Variants in PAGE2B observed in about 807,000 individuals in gnomAD.
PAGE2B encodes the protein PAGE family member 2B, also known as putative G antigen family E member 3.
PAGE2B carries 5 observed loss-of-function variants against 7.6 expected under a neutral mutation model. That is an observed-to-expected ratio of 0.66 (90% CI 0.34 to 1.38). The LOEUF (loss-of-function observed/expected upper bound fraction) is 1.38, where lower values mean the gene tolerates loss of function less well. PAGE2B is among the 40% of genes most tolerant of loss of function. PAGE2B has a pLI of 0.04. For synonymous variants in PAGE2B, 29 were observed against 26.7 expected (o/e 1.09, Z -0.27); for missense variants, 70 against 78.4 (o/e 0.89, Z 0.41).
intron 2 of PAGE2B, among the ~76,000 whole-genome samples, chrX:55,076,338 A>G (rs189780744): frequency 1.8e-3 from 193 of 104,778 alleles, no homozygotes; most frequent in East Asian, 6.4e-3. Flanking sequence ...ATATATATAT[A>G]TGTGTGTGTG....
At chrX:55,042,378 A>G in the PAGE2B span, among the ~76,000 whole-genome samples, 1 of 111,026 alleles carries the variant, frequency 9.0e-6, no homozygotes, top group Non-Finnish European at 1.9e-5. Flanking sequence ...TACAAGGAAA[A>G]CTATAAAACA....
At chrX:55,052,642 G>C in the PAGE2B span, among the ~76,000 whole-genome samples, 3 of 112,965 alleles carry the variant, frequency 2.7e-5, no homozygotes, top group Admixed American at 9.3e-5. Context: ...TGTGCCATTT[G>C]TTAAGCCCGT....
the PAGE2B span, chrX:55,031,137 C>T: frequency 3.9e-6 from 1 of 256,544 alleles, no homozygotes. Flanking sequence ...TAGTGTACCC[C>T]CTCCCCCAGC....
the PAGE2B span, among the ~76,000 whole-genome samples, chrX:55,042,138 T>A: frequency 9.1e-6 from 1 of 110,385 alleles, no homozygotes; most frequent in Non-Finnish European, 1.9e-5. Flanking sequence ...GATGATATGA[T>A]CCTATACCTA....
the PAGE2B span, among the ~76,000 whole-genome samples, chrX:55,047,197 C>T: frequency 2.1e-4 from 23 of 109,782 alleles, no homozygotes; most frequent in African/African-American, 5.3e-4. Flanking sequence ...TTTGTCCTTG[C>T]GATAGTTTGC....
the PAGE2B span, among the ~76,000 whole-genome samples, chrX:55,065,716 T>C: frequency 3.6e-5 from 4 of 111,722 alleles, no homozygotes; most frequent in African/African-American, 1.3e-4. Context: ...CCATTATATG[T>C]TTTTCAATTT....
At chrX:55,075,524 G>A (rs771074563) in intron 1 of PAGE2B, among the ~76,000 whole-genome samples, 3 of 111,052 alleles carry the variant, frequency 2.7e-5, no homozygotes, top group Non-Finnish European at 5.7e-5. Context: ...CTGTGGCCCC[G>A]AGGTCTGTAG....
the PAGE2B span, among the ~76,000 whole-genome samples, chrX:55,037,435 C>T: frequency 6.3e-5 from 7 of 111,107 alleles, no homozygotes; most frequent in Non-Finnish European, 1.3e-4. Flanking sequence ...GAAATAGGAA[C>T]ACTTTTACAC....
At chrX:55,037,981 A>G in the PAGE2B span, among the ~76,000 whole-genome samples, 1 of 108,825 alleles carries the variant, frequency 9.2e-6, no homozygotes, top group East Asian at 2.9e-4. Context: ...CAGCACACCA[A>G]CATGGCACAT....
upstream of PAGE2B, among the ~76,000 whole-genome samples, chrX:55,070,454 T>C (rs975180093): frequency 8.1e-5 from 9 of 111,740 alleles, no homozygotes; most frequent in South Asian, 2.2e-3. Context: ...TACTTCCAAT[T>C]ATGTGGTCAA....
chrX:55,077,841 A>C (rs1309493497), intron 4 of PAGE2B, among the ~76,000 whole-genome samples: 1 of 111,812 alleles, frequency 8.9e-6, no homozygotes, highest in African/African-American at 3.3e-5. Context: ...ATGCTAAAAC[A>C]GTAGATTTCA....
At chrX:55,070,821 T>C (rs1004323261), upstream of PAGE2B, among the ~76,000 whole-genome samples, 3 of 111,846 alleles carry the variant, frequency 2.7e-5, no homozygotes, top group Non-Finnish European at 3.8e-5. Context: ...CTTTGTTGGT[T>C]TGAAGTCTGT....
chrX:55,069,475 A>C, the PAGE2B span, among the ~76,000 whole-genome samples: 1 of 109,824 alleles, frequency 9.1e-6, no homozygotes, highest in Non-Finnish European at 1.9e-5. Flanking sequence ...ATCAATGTTC[A>C]TCAAGGATAT....
At chrX:55,067,796 T>C in the PAGE2B span, among the ~76,000 whole-genome samples, 1 of 112,628 alleles carries the variant, frequency 8.9e-6, no homozygotes, top group Non-Finnish European at 1.9e-5. Flanking sequence ...GCATTTCTAA[T>C]GACCAGTGAT....
the PAGE2B span, among the ~76,000 whole-genome samples, chrX:55,035,192 C>T: frequency 1.8e-5 from 2 of 111,359 alleles, no homozygotes; most frequent in South Asian, 3.8e-4. Context: ...AGTTGACACT[C>T]GATATTAACC....
intron 3 of PAGE2B, 83 bp from the exon 4 acceptor site, chrX:55,077,316 A>G (rs2146468221): frequency 8.5e-7 from 1 of 1,175,885 alleles, no homozygotes; most frequent in Admixed American, 2.5e-5. Flanking sequence ...TTACTTCATA[A>G]TGATGAGGGA....
At chrX:55,072,755 AG>A (rs1936462353), upstream of PAGE2B, among the ~76,000 whole-genome samples, 1 of 112,336 alleles carries the variant, frequency 8.9e-6, no homozygotes, top group Non-Finnish European at 1.9e-5. Context: ...TTTCCTTCAG[AG>A]ATGCCCTGCC....
the PAGE2B span, among the ~76,000 whole-genome samples, chrX:55,029,465 A>G: frequency 8.9e-6 from 1 of 112,149 alleles, no homozygotes; most frequent in Non-Finnish European, 1.9e-5. Context: ...GCAGGATTTG[A>G]ACCTAGGCAA....
the PAGE2B span, among the ~76,000 whole-genome samples, chrX:55,054,363 A>C: frequency 2.6e-4 from 29 of 112,868 alleles, no homozygotes; most frequent in Middle Eastern, 4.6e-3. Context: ...TCATTTTAAA[A>C]GTCTATTTAC....
Sources: gnomAD v4.1 joint callset for allele counts (sites outside exome capture counted in the v4.1 genomes callset) on GRCh38, gnomAD v4.1.1 for gene constraint, MANE v1.5 for transcripts, NCBI Gene and HGNC (gene_info 2026-07-23, HGNC 2026-07-21) for gene names.